The following ADAM9 variants were observed in gnomAD, a reference collection of about 807,000 sequenced individuals.
The protein encoded by ADAM9 is ADAM metallopeptidase domain 9.
A neutral mutation model predicts 108.1 loss-of-function variants in ADAM9; 54 were observed. The observed-to-expected ratio is 0.50, with a 90% CI of 0.40 to 0.63. The LOEUF is 0.63. ADAM9 is among the 20% of genes least tolerant of loss of function. The probability of loss-of-function intolerance (pLI) is 0.00; values close to 1 mark genes in which losing one functional copy is unlikely to be tolerated. For synonymous variants in ADAM9, 316 were observed against 336.0 expected (o/e 0.94, Z 0.65); for missense variants, 830 against 997.7 (o/e 0.83, Z 2.26).
chr8:39,045,568 G>GTATATATATATATA lies in ADAM9; in HGVS notation c.1302+3452_1302+3453insATATATATATATAT, dbSNP rs1354034713. 9.5e-4 allele frequency among the ~76,000 whole-genome samples: 132 copies of GTATATATATATATA among 139,296 alleles called. 1 individual carries two copies. Among genetic ancestry groups the GTATATATATATATA allele is most frequent in the African/African-American group, 3.3e-3 (125 of 37,994 alleles). The allele number at this position is 139,296 out of a possible 152,430, so 91.4% of individuals were successfully genotyped here. On this transcript the variant is annotated intron_variant, in intron 12 of 21. Coordinates refer to ENST00000487273, the MANE Select transcript of ADAM9 (RefSeq NM_003816.3). Reference sequence around the variant, plus strand: ...TATGTGTGTGTGTATATGTGTGTGTGTGTATATATATATATATATAAAAGA... The same window carrying GTATATATATATATA: ...TATGTGTGTGTGTATATGTGTGTGTGTATATATATATATATGTATATATATATATATATAAAAGA...
chr8:39,101,399 G>A (rs1306359047), intron 20 of ADAM9, among the ~76,000 whole-genome samples: 1 of 152,118 alleles, frequency 6.6e-6, no homozygotes, highest in Non-Finnish European at 1.5e-5. Flanking sequence ...GTACTTATAT[G>A]TGAATAAATC....
intron 11 of ADAM9, among the ~76,000 whole-genome samples, chr8:39,027,625 G>T (rs954444945): frequency 2.6e-5 from 4 of 152,108 alleles, no homozygotes. Flanking sequence ...TGGTGGTTGG[G>T]CATCAGAAAT....
chr8:39,000,900 G>T (rs150279353), intron 1 of ADAM9, among the ~76,000 whole-genome samples: 83 of 152,250 alleles, frequency 5.5e-4, no homozygotes, highest in African/African-American at 2.0e-3. Context: ...CTTACTGGAA[G>T]AAAAGAAAAT....
At chr8:39,004,576 G>A (rs1369570337) in intron 1 of ADAM9, among the ~76,000 whole-genome samples, 3 of 152,152 alleles carry the variant, frequency 2.0e-5, no homozygotes, top group Non-Finnish European at 4.4e-5. Context: ...AAAAGTGAAA[G>A]CATGTTTATT....
chr8:39,038,231 C>G (rs539580919), intron 11 of ADAM9, among the ~76,000 whole-genome samples: 2 of 152,224 alleles, frequency 1.3e-5, no homozygotes, highest in South Asian at 4.2e-4. Flanking sequence ...CATGGTCTTC[C>G]CCTTCCAACT....
chr8:39,096,698 CCA>C (rs1243888176), intron 20 of ADAM9, among the ~76,000 whole-genome samples: 1 of 152,042 alleles, frequency 6.6e-6, no homozygotes, highest in Non-Finnish European at 1.5e-5. Flanking sequence ...TGCTCCTCTG[CCA>C]CTTTGATTTT....
At chr8:39,012,595 A>G (rs1242223488) in intron 3 of ADAM9, among the ~76,000 whole-genome samples, 1 of 152,218 alleles carries the variant, frequency 6.6e-6, no homozygotes, top group Non-Finnish European at 1.5e-5. Flanking sequence ...GCACATAGAC[A>G]CCATGGAATA....
intron 6 of ADAM9, 75 bp downstream of exon 6, chr8:39,017,489 T>A: frequency 6.9e-7 from 1 of 1,449,540 alleles, no homozygotes; most frequent in Non-Finnish European, 9.5e-7. Flanking sequence ...ATGAAATCAA[T>A]ACTATGAGTA....
chr8:39,077,349 C>T lies in ADAM9; in HGVS notation c.1819C>T (p.Leu607=), dbSNP rs1838880445. ...CAAATGTTGGGGTGTGGATTTCCAG[C>T]TAGGATCAGATGTTCCAGATCCTGG... ...GTKCWGVDFQ[L]GSDVPDPGMV... The change falls in exon 16 of 22, where the codon CTA becomes TTA. Residue 607 remains leucine (L), a synonymous_variant. Coordinates refer to ENST00000487273, the MANE Select transcript of ADAM9 (RefSeq NM_003816.3). 1 of 1,613,756 alleles carries T rather than the reference C, an allele frequency of 6.2e-7. No individual in the cohort carries two copies. The highest frequency in any genetic ancestry group is 8.5e-7 in the Non-Finnish European group (1 of 1,179,938).
intron 14 of ADAM9, among the ~76,000 whole-genome samples, chr8:39,063,862 C>T (rs1267644363): frequency 6.6e-6 from 1 of 152,146 alleles, no homozygotes. Flanking sequence ...AGATACCCTA[C>T]AAGGCTAGGA....
chr8:39,099,566 T>C (rs972518705), intron 20 of ADAM9, among the ~76,000 whole-genome samples: 5 of 152,162 alleles, frequency 3.3e-5, no homozygotes, highest in Non-Finnish European at 7.4e-5. Context: ...TTTCCAGTCT[T>C]ATACCATAAA....
intron 12 of ADAM9, among the ~76,000 whole-genome samples, chr8:39,047,253 A>G (rs1242288035): frequency 2.0e-5 from 3 of 152,158 alleles, no homozygotes; most frequent in Admixed American, 2.0e-4. Context: ...ATTGGCCTGT[A>G]GTTTTCTATA....
intron 20 of ADAM9, among the ~76,000 whole-genome samples, chr8:39,098,009 T>C (rs1839564894): frequency 1.3e-5 from 2 of 152,376 alleles, no homozygotes; most frequent in Admixed American, 6.5e-5. Context: ...TTTTCTGATA[T>C]ATCTACTTCA....
chr8:39,069,306 T>C (rs541811360), intron 14 of ADAM9, among the ~76,000 whole-genome samples: 1 of 152,296 alleles, frequency 6.6e-6, no homozygotes, highest in African/African-American at 2.4e-5. Flanking sequence ...CGTGCATGTA[T>C]TCAGACTTCT....
intron 18 of ADAM9, among the ~76,000 whole-genome samples, chr8:39,083,293 A>C (rs78550002): frequency 6.6e-6 from 1 of 151,974 alleles, no homozygotes; most frequent in Admixed American, 6.6e-5. Flanking sequence ...TAGGCTCCCT[A>C]TTTTTCATCT....
chr8:39,024,619 TC>T (rs1836861744), intron 9 of ADAM9, among the ~76,000 whole-genome samples: 1 of 152,186 alleles, frequency 6.6e-6, no homozygotes. Flanking sequence ...TCCTGGCTGG[TC>T]AGATGGCCCA....
intron 1 of ADAM9, among the ~76,000 whole-genome samples, chr8:39,007,287 C>T (rs1035745676): frequency 4.6e-5 from 7 of 152,198 alleles, no homozygotes; most frequent in Admixed American, 1.3e-4. Flanking sequence ...GATGGCATTA[C>T]TCTGTTCATG....
chr8:39,077,105 C>A, intron 15 of ADAM9, 123 bp from the exon 16 acceptor site: 1 of 1,090,974 alleles, frequency 9.2e-7, no homozygotes, highest in Non-Finnish European at 1.4e-6. Context: ...TGCTCTCATA[C>A]ACTTTCTCTG....
At chr8:39,017,601 T>G (rs1836581749) in intron 6 of ADAM9, among the ~76,000 whole-genome samples, 187 bp downstream of exon 6, 1 of 152,130 alleles carries the variant, frequency 6.6e-6, no homozygotes, top group African/African-American at 2.4e-5. Context: ...TGCTACCAAG[T>G]TGAGTACAGT....
Sources: gnomAD v4.1 joint callset for allele counts (sites outside exome capture counted in the v4.1 genomes callset) on GRCh38, gnomAD v4.1.1 for gene constraint, MANE v1.5 for transcripts, NCBI Gene and HGNC (gene_info 2026-07-23, HGNC 2026-07-21) for gene names.